FANK1: variants seen among roughly 807,000 people sequenced by gnomAD.
The protein encoded by FANK1 is fibronectin type III and ankyrin repeat domains 1, also known as fibronectin type 3 and ankyrin repeat domains protein 1.
A neutral mutation model predicts 45.3 loss-of-function variants in FANK1; 44 were observed. The observed-to-expected ratio is 0.97, with a 90% CI of 0.76 to 1.25. The LOEUF is 1.25. Ranked by LOEUF, FANK1 falls within the 50% of genes most tolerant of loss-of-function variation. FANK1 has a pLI of 0.00. For missense variants in FANK1, 391 were observed against 424.4 expected (o/e 0.92, Z 0.69); for synonymous variants, 149 against 152.5 (o/e 0.98, Z 0.17).
chr10:125,946,239 C>T (rs1339906074), intron 1 of FANK1, among the ~76,000 whole-genome samples: 48 of 151,966 alleles, frequency 3.2e-4, no homozygotes, highest in African/African-American at 9.4e-4. Context: ...TCACCAGCAA[C>T]GGAACAAAGC....
intron 3 of FANK1, 149 bp from the exon 4 acceptor site, chr10:125,995,268 C>A: frequency 1.5e-6 from 1 of 687,588 alleles, no homozygotes; most frequent in Non-Finnish European, 2.5e-6. Flanking sequence ...GTAAAAGAAG[C>A]AGGTGAGTAG....
intron 1 of FANK1, among the ~76,000 whole-genome samples, chr10:125,970,166 G>C (rs567596905): frequency 6.6e-6 from 1 of 152,132 alleles, no homozygotes; most frequent in Non-Finnish European, 1.5e-5. Flanking sequence ...GGTGGCGGCC[G>C]GGCAGAGGGG....
intron 1 of FANK1, among the ~76,000 whole-genome samples, chr10:125,968,639 G>A (rs947713067): frequency 3.3e-5 from 5 of 152,020 alleles, no homozygotes; most frequent in African/African-American, 1.2e-4. Context: ...TTGAGATATG[G>A]TCAACTATTT....
At chr10:125,961,831 C>G (rs752959122) in intron 1 of FANK1, among the ~76,000 whole-genome samples, 11 of 152,176 alleles carry the variant, frequency 7.2e-5, no homozygotes, top group Non-Finnish European at 1.3e-4. Context: ...GTAGTCCCAG[C>G]TACTCAGGGA....
chr10:125,899,350 G>A lies in FANK1; in HGVS notation c.13+2695G>A, dbSNP rs545947115. Among the ~76,000 whole-genome samples the A allele has an allele frequency of 1.1e-4, 17 of 151,876 alleles. No homozygotes were observed. The East Asian group carries it at 2.5e-3, about 23-fold the overall frequency. The stretch of plus-strand genomic sequence containing the variant: ...GCTGGGATTACAGGCGTGAGCCACC[G>A]TGCCCGGCCCCTAATTTTCTTTTTA... On this transcript the variant is annotated intron_variant, in intron 1 of 10. Coordinates refer to ENST00000368693, the MANE Select transcript of FANK1 (RefSeq NM_145235.5).
intron 1 of FANK1, chr10:125,975,034 T>A (rs1950772321): frequency 6.6e-6 from 1 of 152,166 alleles, no homozygotes; most frequent in South Asian, 2.1e-4. Context: ...GTCTGTTGTT[T>A]CCTTCTTTGT....
chr10:125,977,172 G>A (rs1950904632), intron 1 of FANK1, among the ~76,000 whole-genome samples: 1 of 152,124 alleles, frequency 6.6e-6, no homozygotes, highest in Admixed American at 6.5e-5. Flanking sequence ...ATGACACTCT[G>A]GCCATCTGAG....
At chr10:125,936,330 T>G (rs1194083900) in intron 1 of FANK1, among the ~76,000 whole-genome samples, 1 of 151,886 alleles carries the variant, frequency 6.6e-6, no homozygotes, top group Non-Finnish European at 1.5e-5. Flanking sequence ...TAAACATAAC[T>G]TTTTATAGAA....
At chr10:125,916,204 A>C (rs536536045) in intron 1 of FANK1, among the ~76,000 whole-genome samples, 1 of 151,868 alleles carries the variant, frequency 6.6e-6, no homozygotes, top group Non-Finnish European at 1.5e-5. Context: ...CGCCCAGCTA[A>C]TTTTTGCATT....
At chr10:126,006,768 G>A (rs1353885799) in intron 7 of FANK1, among the ~76,000 whole-genome samples, 1 of 152,214 alleles carries the variant, frequency 6.6e-6, no homozygotes, top group East Asian at 1.9e-4. Context: ...GCTGAAGCAG[G>A]AGAATTGCTT....
chr10:125,948,677 C>CAG (rs748335679), intron 1 of FANK1, among the ~76,000 whole-genome samples: 3 of 152,144 alleles, frequency 2.0e-5, no homozygotes, highest in Non-Finnish European at 4.4e-5. Flanking sequence ...TGAATTCTAC[C>CAG]AGAGGTACAA....
chr10:125,922,814 A>C (rs1468370957), intron 1 of FANK1, among the ~76,000 whole-genome samples: 1 of 152,226 alleles, frequency 6.6e-6, no homozygotes, highest in African/African-American at 2.4e-5. Context: ...ACACCTGGCC[A>C]GTACATCTTA....
chr10:125,942,694 T>C (rs1948527741), intron 1 of FANK1, among the ~76,000 whole-genome samples: 1 of 152,176 alleles, frequency 6.6e-6, no homozygotes, highest in Admixed American at 6.5e-5. Flanking sequence ...GATACACCTG[T>C]TATATTTTTC....
At chr10:125,959,032 T>C (rs1949752575) in intron 1 of FANK1, among the ~76,000 whole-genome samples, 1 of 152,210 alleles carries the variant, frequency 6.6e-6, no homozygotes, top group Non-Finnish European at 1.5e-5. Flanking sequence ...TTATTTTAGG[T>C]TGTAGTATTT....
At chr10:125,922,587 G>A (rs1035922492) in intron 1 of FANK1, among the ~76,000 whole-genome samples, 2 of 152,198 alleles carry the variant, frequency 1.3e-5, no homozygotes, top group Non-Finnish European at 2.9e-5. Context: ...CATGATCAGG[G>A]ATCACTGCAT....
intron 1 of FANK1, among the ~76,000 whole-genome samples, chr10:125,905,130 C>CAAAAAA (rs11289535): frequency 4.4e-5 from 3 of 68,134 alleles, no homozygotes; most frequent in Admixed American, 1.9e-4. Context: ...GACTCTGTCC[C>CAAAAAA]AAAAAAAAAA....
At chr10:125,958,251 C>A (rs1161990996) in intron 1 of FANK1, among the ~76,000 whole-genome samples, 2 of 152,092 alleles carry the variant, frequency 1.3e-5, no homozygotes, top group Admixed American at 6.5e-5. Flanking sequence ...TTTTTTACTT[C>A]TGTGTGATCA....
chr10:125,939,060 G>A (rs1948284784), intron 1 of FANK1, among the ~76,000 whole-genome samples: 1 of 152,142 alleles, frequency 6.6e-6, no homozygotes, highest in Non-Finnish European at 1.5e-5. Context: ...TATCATCTAT[G>A]TATTCTTTTT....
chr10:125,991,250 G>GGTGTGTGTGTGTGTGTGTGTGTGTGTGT lies in FANK1; in HGVS notation c.316+2576_316+2603dup, dbSNP rs113257579. On this transcript the variant is annotated intron_variant, in intron 3 of 10. Transcript: ENST00000368693. ...GGATGAGTGTGTGGTGGTGACCAGG[G>GGTGTGTGTGTGTGTGTGTGTGTGTGTGT]GTGTGTGTGTGTGTGTGTGTGTGTG... 1.8e-3 allele frequency among the ~76,000 whole-genome samples: 268 copies of GGTGTGTGTGTGTGTGTGTGTGTGTGTGT among 145,958 alleles called. 1 individual carries two copies. The highest frequency in any genetic ancestry group is 5.2e-3 in the African/African-American group (205 of 39,374).
Sources: allele counts gnomAD v4.1 joint callset (sites outside exome capture counted in the v4.1 genomes callset), GRCh38; gene constraint gnomAD v4.1.1; transcripts MANE v1.5; gene names NCBI Gene and HGNC (gene_info 2026-07-23, HGNC 2026-07-21).